The following TGFBR3 variants were observed in gnomAD, a reference collection of about 807,000 sequenced individuals.
TGFBR3 encodes transforming growth factor beta receptor type 3.
Under a neutral mutation model 87.9 loss-of-function variants are expected in TGFBR3, and 46 were observed. The observed-to-expected ratio is 0.52, with a 90% CI of 0.41 to 0.67. The LOEUF (loss-of-function observed/expected upper bound fraction) is 0.67, where lower values mean the gene tolerates loss of function less well. Ranked by LOEUF, TGFBR3 falls within the 30% of genes least tolerant of loss-of-function variation. The probability of loss-of-function intolerance (pLI) is 0.00; values close to 1 mark genes in which losing one functional copy is unlikely to be tolerated. For missense variants in TGFBR3, 866 were observed against 1,041.9 expected (o/e 0.83, Z 2.32); for synonymous variants, 381 against 391.6 (o/e 0.97, Z 0.32).
intron 3 of TGFBR3, among the ~76,000 whole-genome samples, chr1:91,784,846 T>A (rs1332153404): frequency 6.6e-6 from 1 of 152,208 alleles, no homozygotes; most frequent in Non-Finnish European, 1.5e-5. Flanking sequence ...TTACGTGGCC[T>A]TTCCAGTCTC....
chr1:91,808,527 G>A (rs918975850), intron 2 of TGFBR3, among the ~76,000 whole-genome samples: 3 of 152,146 alleles, frequency 2.0e-5, no homozygotes, highest in Admixed American at 6.5e-5. Context: ...GCACAGTGGC[G>A]CAATCTCAAC....
intron 2 of TGFBR3, among the ~76,000 whole-genome samples, chr1:91,835,528 A>T (rs1677025940): frequency 6.6e-6 from 1 of 152,040 alleles, no homozygotes; most frequent in Non-Finnish European, 1.5e-5. Context: ...ATCTCCAAGG[A>T]TTCTTAAAAT....
chr1:91,771,270 C>A (rs1415619564), intron 3 of TGFBR3, among the ~76,000 whole-genome samples: 1 of 152,146 alleles, frequency 6.6e-6, no homozygotes, highest in East Asian at 1.9e-4. Context: ...TCAGTCAATC[C>A]TTCCCAAAGT....
intron 1 of TGFBR3, among the ~76,000 whole-genome samples, chr1:91,901,748 T>TAA (rs112378998): frequency 6.3e-4 from 91 of 143,962 alleles, no homozygotes; most frequent in Middle Eastern, 7.3e-3. Flanking sequence ...ACCTGGTGCT[T>TAA]AAAAAAAAAA....
intron 12 of TGFBR3, among the ~76,000 whole-genome samples, chr1:91,712,853 A>G (rs1462851659): frequency 1.3e-5 from 2 of 152,272 alleles, no homozygotes; most frequent in Non-Finnish European, 2.9e-5. Context: ...AAATAAAAAC[A>G]TATTTTGCAT....
chr1:91,734,935 A>G lies in TGFBR3; in HGVS notation c.409T>C (p.Phe137Leu), dbSNP rs1307367762. 1 of 1,614,164 alleles carries G rather than the reference A, an allele frequency of 6.2e-7. No individual in the cohort carries two copies. The highest frequency in any genetic ancestry group is 1.1e-5 in the South Asian group (1 of 91,082). ...GTCAAGGAGAAGTTTGCTGATGAAA[A>G]CTGGACCACAGAACCCTCAGACACC... is the stretch of plus-strand genomic sequence containing the variant. ...FLVSEGSVVQ[F>L]SSANFSLTAE... Residue 137 changes from phenylalanine to leucine, a missense_variant, in exon 5 of 17, where the codon TTT becomes CTT. By Grantham distance (22) the Phe-to-Leu change is conservative. Transcript: ENST00000212355.
chr1:91,879,485 C>G (rs964979731), intron 1 of TGFBR3, among the ~76,000 whole-genome samples: 32 of 152,140 alleles, frequency 2.1e-4, no homozygotes, highest in African/African-American at 7.2e-4. Context: ...TTCTGGGGCT[C>G]TTGTTCTAGA....
chr1:91,722,822 T>G (rs1037473497), intron 7 of TGFBR3, among the ~76,000 whole-genome samples: 3 of 152,196 alleles, frequency 2.0e-5, no homozygotes, highest in African/African-American at 4.8e-5. Flanking sequence ...AGTAGTAACA[T>G]GATGGTCAGT....
At chr1:91,830,709 G>A (rs375392176) in intron 2 of TGFBR3, among the ~76,000 whole-genome samples, 4 of 152,104 alleles carry the variant, frequency 2.6e-5, no homozygotes, top group Admixed American at 6.5e-5. Context: ...GACAGATCTC[G>A]GTCTGGGGCA....
Position 91,826,347 on chromosome 1 carries a change from CT to C in TGFBR3, c.62-28877del, listed in dbSNP as rs147288120. Among the ~76,000 whole-genome samples the C allele has an allele frequency of 1.3e-3, 202 of 152,258 alleles. 1 individual carries two copies. The highest frequency in any genetic ancestry group is 4.7e-3 in the African/African-American group (197 of 41,548). On this transcript the variant is annotated intron_variant, in intron 2 of 16. Transcript: ENST00000212355. Reference sequence around the variant, plus strand: ...TGGTCCTGTTAGATGTGCATTTCTTCTATTTTAAGTCCCGCTCACATTTATA... The same window carrying C: ...TGGTCCTGTTAGATGTGCATTTCTTCATTTTAAGTCCCGCTCACATTTATA...
At chr1:91,887,262 T>TTTTTTTTTTTTTTTTG (rs1165045165), upstream of TGFBR3, among the ~76,000 whole-genome samples, 64 of 125,270 alleles carry the variant, frequency 5.1e-4, 7 homozygotes, top group African/African-American at 1.5e-3. Context: ...TTTTTTTTTT[T>TTTTTTTTTTTTTTTTG]TGAGATGGAG....
chr1:91,861,496 C>A lies in TGFBR3; in HGVS notation c.36G>T (p.Leu12=), dbSNP rs1171290947. Residue 12 remains leucine (L), a synonymous_variant, in exon 2 of 17, where the codon CTG becomes CTT. Coordinates refer to ENST00000212355, the MANE Select transcript of TGFBR3 (RefSeq NM_003243.5). ...CTGCAGTGGCTAAACAGGAGCTCATCAGGGCAAAGATGGCAATCACATAAT... is the reference window on the plus strand; with the variant it reads ...CTGCAGTGGCTAAACAGGAGCTCATAAGGGCAAAGATGGCAATCACATAAT... ...TSHYVIAIFA[L]MSSCLATAGP... 6.2e-7 allele frequency: 1 copy of A among 1,613,828 alleles called. No homozygotes were observed. Among genetic ancestry groups the A allele is most frequent in the Non-Finnish European group, 8.5e-7 (1 of 1,179,768 alleles).
At chr1:91,804,516 ATCTG>A (rs2101024556) in intron 2 of TGFBR3, among the ~76,000 whole-genome samples, 1 of 152,214 alleles carries the variant, frequency 6.6e-6, no homozygotes, top group Non-Finnish European at 1.5e-5. Context: ...TCCTTCCGCA[ATCTG>A]TCTGCACAAT....
chr1:91,708,829 G>A (rs377491754), intron 13 of TGFBR3, 46 bp from the exon 14 acceptor site: 23 of 1,608,930 alleles, frequency 1.4e-5, no homozygotes, highest in African/African-American at 2.7e-5. Context: ...CCACTCAAAA[G>A]TGCCTTCACC....
intron 1 of TGFBR3, among the ~76,000 whole-genome samples, chr1:91,905,173 GA>G (rs1478287473): frequency 6.6e-6 from 1 of 152,176 alleles, no homozygotes; most frequent in East Asian, 1.9e-4. Context: ...AGTTTCTACA[GA>G]ATAATCCTAT....
At position 91,680,443 on chromosome 1, in the gene TGFBR3, C is replaced by T. The variant is rs1371853781; in HGVS notation, c.*3296G>A. ...AAGCATCTTCACAAAATAGCTGACA[C>T]ACTGAACAGAGAAAAGAATACAACA... is the stretch of plus-strand genomic sequence containing the variant. On this transcript the variant is annotated 3_prime_UTR_variant, in exon 17 of 17. Transcript: ENST00000212355. The T allele has an allele frequency of 6.6e-6, 3 of 453,950 alleles. No homozygotes were observed. The highest frequency in any genetic ancestry group is 1.3e-5 in the Non-Finnish European group (3 of 226,802). 28.1% of individuals were successfully genotyped at this position (453,950 alleles called of 1,614,324 possible). A position where few individuals can be genotyped will look rare whatever the true frequency, so the allele number is the denominator to read the frequency against.
chr1:91,835,827 C>CAAAAAAAAA lies in TGFBR3; in HGVS notation c.61+25635_61+25643dup, dbSNP rs57326419. On this transcript the variant is annotated intron_variant, in intron 2 of 16. Coordinates refer to ENST00000212355, the MANE Select transcript of TGFBR3 (RefSeq NM_003243.5). ...TGGGTGACAGAGCGAGACTCCACCT[C>CAAAAAAAAA]AAAAAAAAAAAAAAAAAAAAAAAAA... Among the ~76,000 whole-genome samples, 16 of 74,772 alleles carry CAAAAAAAAA rather than the reference C, an allele frequency of 2.1e-4. 1 individual carries two copies. The highest frequency in any genetic ancestry group is 3.5e-4 in the Non-Finnish European group (12 of 34,264). The allele number at this position is 74,772 out of a possible 152,430, so 49.1% of individuals were successfully genotyped here.
chr1:91,881,575 A>C (rs563487250), intron 1 of TGFBR3, among the ~76,000 whole-genome samples: 1 of 152,316 alleles, frequency 6.6e-6, no homozygotes, highest in South Asian at 2.1e-4. Flanking sequence ...TTACTCGAGT[A>C]AACTAGAGCA....
At chr1:91,843,772 G>A (rs1256322154) in intron 2 of TGFBR3, among the ~76,000 whole-genome samples, 1 of 152,110 alleles carries the variant, frequency 6.6e-6, no homozygotes, top group East Asian at 1.9e-4. Flanking sequence ...CACAACTAGT[G>A]CACGATCCTG....
Sources: allele counts gnomAD v4.1 joint callset (sites outside exome capture counted in the v4.1 genomes callset), GRCh38; gene constraint gnomAD v4.1.1; transcripts MANE v1.5; gene names NCBI Gene and HGNC (gene_info 2026-07-23, HGNC 2026-07-21).